The following CDH3 variants were observed in gnomAD, a reference collection of about 807,000 sequenced individuals.
CDH3 encodes cadherin-3.
CDH3 carries 54 observed loss-of-function variants against 82.0 expected under a neutral mutation model. That is an observed-to-expected ratio of 0.66 (90% CI 0.53 to 0.83). The LOEUF (loss-of-function observed/expected upper bound fraction) is 0.83, where lower values mean the gene tolerates loss of function less well. Among genes scored for constraint, CDH3 ranks in the 40% least tolerant of loss-of-function variants. The probability of loss-of-function intolerance (pLI) is 0.00; values close to 1 mark genes in which losing one functional copy is unlikely to be tolerated. For synonymous variants in CDH3, 446 were observed against 437.9 expected, an observed-to-expected ratio of 1.02 and a Z score of -0.23; for missense variants, 1,054 against 1,084.6, an observed-to-expected ratio of 0.97 and a Z score of 0.40.
At chr16:68,675,068 A>T (rs138073465) in intron 2 of CDH3, among the ~76,000 whole-genome samples, 1,575 of 151,398 alleles carry the variant, frequency 0.01, 25 homozygotes, top group African/African-American at 0.036. Flanking sequence ...AGCCGAGATC[A>T]TGCCACTGCA....
intron 2 of CDH3, among the ~76,000 whole-genome samples, chr16:68,668,651 C>G (rs1370749255): frequency 6.6e-6 from 1 of 152,228 alleles, no homozygotes; most frequent in African/African-American, 2.4e-5. Flanking sequence ...ACAGCCCTCT[C>G]CAAATGCAGA....
At chr16:68,691,682 A>T in intron 12 of CDH3, 38 bp from the exon 13 acceptor site, 1 of 1,535,126 alleles carries the variant, frequency 6.5e-7, no homozygotes, top group Non-Finnish European at 9.0e-7. Flanking sequence ...CCCCGCACTG[A>T]TGGTTCCCAC....
chr16:68,719,748 C>A (rs1962141558), intron 1 of CDH3, among the ~76,000 whole-genome samples: 1 of 152,052 alleles, frequency 6.6e-6, no homozygotes, highest in Non-Finnish European at 1.5e-5. Context: ...ATCCGCCCAT[C>A]TTGGCCTCCC....
chr16:68,660,614 A>T lies in CDH3; in HGVS notation c.160+14864A>T, dbSNP rs1159639286. On this transcript the variant is annotated intron_variant, in intron 2 of 15. Coordinates refer to ENST00000264012, the MANE Select transcript of CDH3 (RefSeq NM_001793.6). ...TTTTCTTAAACTCAAATATTGCTGC[A>T]CTAAAGCCTAGGACAGGGTGGTTGC... Among the ~76,000 whole-genome samples, 4 of 152,312 alleles carry T rather than the reference A, an allele frequency of 2.6e-5. No individual in the cohort carries two copies. The East Asian group carries it at 7.7e-4, about 29-fold the overall frequency.
intron 2 of CDH3, among the ~76,000 whole-genome samples, chr16:68,649,884 A>G (rs1960189141): frequency 6.6e-6 from 1 of 152,082 alleles, no homozygotes; most frequent in Non-Finnish European, 1.5e-5. Flanking sequence ...AAACACAAAA[A>G]TTAGCTGGGT....
rs567309309 is a variant in CDH3, at chr16:68,713,429, G to A, written c.100-8996G>A. On this transcript the variant is annotated intron_variant, in intron 1 of 2. Coordinates refer to the CDH3 transcript ENST00000569080. ...GGAGCTGCCAGGGAATAGTGTCAAG[G>A]TGTTGATTTCAAGTGTTTCAGAGTC... 2.0e-5 allele frequency among the ~76,000 whole-genome samples: 3 copies of A among 151,850 alleles called. No homozygotes were observed. In the East Asian group the frequency reaches 5.8e-4, roughly 29 times the overall value.
At chr16:68,659,085 C>T (rs941317236) in intron 2 of CDH3, among the ~76,000 whole-genome samples, 11 of 152,118 alleles carry the variant, frequency 7.2e-5, no homozygotes, top group Admixed American at 6.6e-4. Flanking sequence ...TCATTTAATC[C>T]TCAAACATCC....
intron 1 of CDH3, among the ~76,000 whole-genome samples, chr16:68,718,719 T>A (rs1962123128): frequency 6.6e-6 from 1 of 151,986 alleles, no homozygotes; most frequent in Non-Finnish European, 1.5e-5. Context: ...AGTTTGGCAA[T>A]CTCTTAGAAA....
chr16:68,695,492 G>GC, intron 14 of CDH3, 107 bp downstream of exon 14: 2 of 1,127,242 alleles, frequency 1.8e-6, no homozygotes, highest in Non-Finnish European at 2.6e-6. Context: ...CCAGGCCCTG[G>GC]CATGAAGCAT....
intron 2 of CDH3, among the ~76,000 whole-genome samples, chr16:68,647,433 G>C (rs1054155147): frequency 6.6e-6 from 1 of 152,164 alleles, no homozygotes; most frequent in Admixed American, 6.5e-5. Flanking sequence ...TTTCATCGTT[G>C]GGTTGGCGAG....
chr16:68,670,275 A>G (rs1215850463), intron 2 of CDH3, among the ~76,000 whole-genome samples: 1 of 151,338 alleles, frequency 6.6e-6, no homozygotes, highest in Non-Finnish European at 1.5e-5. Flanking sequence ...TAGTTCTTGA[A>G]TGAATGCTGC....
chr16:68,731,433 CAT>C (rs1388280586), downstream of CDH3, among the ~76,000 whole-genome samples: 29 of 9,772 alleles, frequency 3.0e-3, 7 homozygotes, highest in African/African-American at 7.1e-3. Flanking sequence ...CATATATACA[CAT>C]ATATATACAC....
At chr16:68,653,691 CTT>C (rs1249416453) in intron 2 of CDH3, among the ~76,000 whole-genome samples, 7 of 136,948 alleles carry the variant, frequency 5.1e-5, no homozygotes, top group East Asian at 2.2e-4. Context: ...TCTTTTCTTT[CTT>C]TTTTTTTTTT....
chr16:68,716,895 CTTTTTTTTTTT>C (rs1416223774), intron 1 of CDH3, among the ~76,000 whole-genome samples: 1 of 135,858 alleles, frequency 7.4e-6, no homozygotes. Context: ...AGATTTTTTT[CTTTTTTTTTTT>C]TTTTTAAGTA....
intron 2 of CDH3, among the ~76,000 whole-genome samples, chr16:68,671,014 A>T (rs1567444422): frequency 6.6e-6 from 1 of 152,194 alleles, no homozygotes; most frequent in African/African-American, 2.4e-5. Flanking sequence ...TGGAGGTTGC[A>T]GTAAGCTGAG....
At chr16:68,692,686 G>A (rs1158417130) in intron 13 of CDH3, among the ~76,000 whole-genome samples, 1 of 152,216 alleles carries the variant, frequency 6.6e-6, no homozygotes, top group African/African-American at 2.4e-5. Context: ...GAAATGTTTA[G>A]TTAAAAACAA....
intron 7 of CDH3, among the ~76,000 whole-genome samples, chr16:68,680,178 A>T (rs1041670007): frequency 6.6e-6 from 1 of 152,210 alleles, no homozygotes; most frequent in Non-Finnish European, 1.5e-5. Flanking sequence ...AATCTCGTTA[A>T]ATCTCCTCCA....
chr16:68,728,912 T>C (rs1324001359), downstream of CDH3, among the ~76,000 whole-genome samples: 1 of 152,144 alleles, frequency 6.6e-6, no homozygotes, highest in Admixed American at 6.6e-5. Flanking sequence ...AAAATACTGA[T>C]CTGAATCAAG....
intron 11 of CDH3, among the ~76,000 whole-genome samples, chr16:68,687,120 G>A (rs571821990): frequency 2.0e-5 from 3 of 152,344 alleles, no homozygotes; most frequent in Admixed American, 1.3e-4. Context: ...CACCATAACA[G>A]ATGGGAGGTT....
Sources: gnomAD v4.1 joint callset for allele counts (sites outside exome capture counted in the v4.1 genomes callset) on GRCh38, gnomAD v4.1.1 for gene constraint, MANE v1.5 for transcripts, NCBI Gene and HGNC (gene_info 2026-07-23, HGNC 2026-07-21) for gene names.